PIGF: variants seen among roughly 807,000 people sequenced by gnomAD.
PIGF encodes phosphatidylinositol glycan anchor biosynthesis class F.
PIGF carries 23 observed loss-of-function variants against 26.0 expected under a neutral mutation model. That is an observed-to-expected ratio of 0.88 (90% CI 0.64 to 1.25). The LOEUF (loss-of-function observed/expected upper bound fraction) is 1.25, where lower values mean the gene tolerates loss of function less well. Among genes scored for constraint, PIGF ranks in the 50% most tolerant of loss-of-function variants. PIGF has a pLI of 0.00. For missense variants in PIGF, 278 were observed against 249.9 expected, an observed-to-expected ratio of 1.11 and a Z score of -0.76; for synonymous variants, 93 against 92.6, an observed-to-expected ratio of 1.00 and a Z score of -0.03.
At chr2:46,610,413 CA>C (rs1394289697) in intron 4 of PIGF, among the ~76,000 whole-genome samples, 4 of 151,936 alleles carry the variant, frequency 2.6e-5, no homozygotes, top group South Asian at 2.1e-4. Context: ...CAATTAATAC[CA>C]TTTGGGATAT....
intron 4 of PIGF, among the ~76,000 whole-genome samples, chr2:46,602,779 G>C (rs909756653): frequency 5.3e-5 from 8 of 151,850 alleles, no homozygotes; most frequent in Admixed American, 5.3e-4. Context: ...GAAAAAGCAT[G>C]TACTATTCAT....
At chr2:46,607,874 T>C (rs1037859020) in intron 4 of PIGF, among the ~76,000 whole-genome samples, 3 of 152,066 alleles carry the variant, frequency 2.0e-5, no homozygotes, top group African/African-American at 7.2e-5. Context: ...TTTCTTGTAT[T>C]TTTAGTAGAG....
intron 5 of PIGF, among the ~76,000 whole-genome samples, chr2:46,590,070 T>C (rs894591093): frequency 6.6e-6 from 1 of 152,060 alleles, no homozygotes; most frequent in African/African-American, 2.4e-5. Context: ...AACAACCCAA[T>C]AGTAAAGATA....
At chr2:46,607,705 T>C (rs1670268987) in intron 4 of PIGF, among the ~76,000 whole-genome samples, 1 of 152,044 alleles carries the variant, frequency 6.6e-6, no homozygotes, top group Non-Finnish European at 1.5e-5. Context: ...CTTTTCTTTT[T>C]TTTTTTTAAG....
At chr2:46,582,685 G>A (rs1221009073) in intron 5 of PIGF, 1 of 152,540 alleles carries the variant, frequency 6.6e-6, no homozygotes, top group Non-Finnish European at 1.5e-5. Flanking sequence ...TTATAGCTAT[G>A]TCTACTGCAC....
chr2:46,597,469 G>A (rs190449601), intron 4 of PIGF, among the ~76,000 whole-genome samples: 148 of 151,876 alleles, frequency 9.7e-4, no homozygotes, highest in African/African-American at 3.5e-3. Flanking sequence ...CTGGAGTGCA[G>A]TGGCACGATC....
chr2:46,607,988 G>T (rs1052752164), intron 4 of PIGF, among the ~76,000 whole-genome samples: 1 of 152,164 alleles, frequency 6.6e-6, no homozygotes, highest in Non-Finnish European at 1.5e-5. Flanking sequence ...ACGACCCACT[G>T]CGCCCAGCCG....
intron 1 of PIGF, chr2:46,615,811 G>C (rs1445368812): frequency 6.6e-6 from 1 of 152,094 alleles, no homozygotes; most frequent in East Asian, 1.9e-4. Context: ...GAAATACCAA[G>C]ATGACAACGT....
intron 2 of PIGF, 65 bp downstream of exon 2, chr2:46,614,872 T>G: frequency 1.4e-6 from 1 of 739,898 alleles, no homozygotes; most frequent in Non-Finnish European, 2.3e-6. Context: ...GATGAATACT[T>G]TATTCTTCCA....
chr2:46,582,913 C>A (rs1669447974), intron 5 of PIGF: 1 of 152,352 alleles, frequency 6.6e-6, no homozygotes, highest in Non-Finnish European at 1.5e-5. Context: ...TGTCTTCTTT[C>A]TTCCAAGAAA....
rs1017782377 is a variant in PIGF, at chr2:46,589,530, A to C, written c.546+2945T>G. On this transcript the variant is annotated intron_variant, in intron 5 of 5. Coordinates refer to ENST00000281382, the MANE Select transcript of PIGF (RefSeq NM_002643.4). The surrounding 1 kb of genome is among the most constrained non-coding windows in gnomAD (Gnocchi z 4.7). ...TGTGCATGTGTGTGTTTTTAAAGGT[A>C]CAATTGCTTAACCAGATATTCCTGT... is the stretch of plus-strand genomic sequence containing the variant. 2.6e-5 allele frequency among the ~76,000 whole-genome samples: 4 copies of C among 151,868 alleles called. No homozygotes were observed. The highest frequency in any genetic ancestry group is 9.7e-5 in the African/African-American group (4 of 41,382).
chr2:46,610,745 G>C (rs935943751), intron 4 of PIGF, among the ~76,000 whole-genome samples: 1 of 151,994 alleles, frequency 6.6e-6, no homozygotes, highest in Admixed American at 6.6e-5. Flanking sequence ...GGCCAGGCTG[G>C]TCTTGAACTC....
At chr2:46,585,979 T>A (rs1393239924) in intron 5 of PIGF, among the ~76,000 whole-genome samples, 2 of 152,210 alleles carry the variant, frequency 1.3e-5, no homozygotes, top group East Asian at 3.9e-4. Context: ...TTTCAATGTG[T>A]TAGCCAGGAT....
At chr2:46,590,625 G>C (rs1669697699) in intron 5 of PIGF, among the ~76,000 whole-genome samples, 1 of 151,792 alleles carries the variant, frequency 6.6e-6, no homozygotes, top group African/African-American at 2.4e-5. Flanking sequence ...TTACTTGATA[G>C]CAATGAATCT....
rs1669655192 is a variant in PIGF at position 46,588,943 on chromosome 2, T to C, written c.546+3532A>G. 6.6e-6 allele frequency among the ~76,000 whole-genome samples: 1 copy of C among 152,162 alleles called. No individual in the cohort carries two copies. The highest frequency in any genetic ancestry group is 1.5e-5 in the Non-Finnish European group (1 of 67,972). On this transcript the variant is annotated intron_variant, in intron 5 of 5. Coordinates refer to ENST00000281382, the MANE Select transcript of PIGF (RefSeq NM_002643.4). The surrounding 1 kb of genome is among the most constrained non-coding windows in gnomAD (Gnocchi z 4.1). The stretch of plus-strand genomic sequence containing the variant: ...TTACAGCAGATAAAGAATCAAATTA[T>C]AAAATACAAAGGTTTTCTGTAGTCC...
At chr2:46,607,770 C>T (rs1204280735) in intron 4 of PIGF, among the ~76,000 whole-genome samples, 1 of 152,030 alleles carries the variant, frequency 6.6e-6, no homozygotes, top group Non-Finnish European at 1.5e-5. Context: ...TCTCGGCTCG[C>T]TGCAACCTCT....
rs368360741 is a variant in PIGF at position 46,580,976 on chromosome 2, T to A, written c.*502A>T. Reference sequence around the variant, plus strand: ...ATGTTCAGCTTTAACCCAGAAGGGATTGAAGACTGTTTTTGATGAGGCTAT... The same window carrying A: ...ATGTTCAGCTTTAACCCAGAAGGGAATGAAGACTGTTTTTGATGAGGCTAT... On this transcript the variant is annotated 3_prime_UTR_variant, in exon 6 of 6. Coordinates refer to ENST00000281382, the MANE Select transcript of PIGF (RefSeq NM_002643.4). 1 of 1,580,048 alleles carries A rather than the reference T, an allele frequency of 6.3e-7. No individual in the cohort carries two copies. The highest frequency in any genetic ancestry group is 1.2e-5 in the South Asian group (1 of 85,188).
intron 5 of PIGF, among the ~76,000 whole-genome samples, chr2:46,584,696 T>C (rs1337926973): frequency 6.6e-5 from 10 of 152,172 alleles, no homozygotes; most frequent in Admixed American, 6.5e-4. Flanking sequence ...TAATGATGGG[T>C]CAGGCTTTGT....
chr2:46,616,149 C>T (rs530608453), intron 1 of PIGF: 1 of 152,162 alleles, frequency 6.6e-6, no homozygotes, highest in African/African-American at 2.4e-5. Context: ...TCACCCAATG[C>T]TTTTCAAAGG....
Sources: gnomAD v4.1 joint callset for allele counts (sites outside exome capture counted in the v4.1 genomes callset) on GRCh38, gnomAD v4.1.1 for gene constraint, Gnocchi (gnomAD v3.1) non-coding constraint, MANE v1.5 for transcripts, NCBI Gene and HGNC (gene_info 2026-07-23, HGNC 2026-07-21) for gene names.